Variants in BSN observed in about 807,000 individuals in gnomAD.
The protein encoded by BSN is protein bassoon.
BSN carries 57 observed loss-of-function variants against 264.8 expected under a neutral mutation model. That is an observed-to-expected ratio of 0.22 (90% confidence interval 0.17 to 0.27). BSN has a LOEUF of 0.27. BSN is among the 10% of genes least tolerant of loss of function. BSN has a pLI of 1.00. For synonymous variants in BSN, 2,059 were observed against 2,137.3 expected (o/e 0.96, Z 1.01); for missense variants, 4,615 against 5,232.5 (o/e 0.88, Z 3.64).
chr3:49,583,824 C>T (rs1470041502), intron 1 of BSN, among the ~76,000 whole-genome samples: 1 of 151,928 alleles, frequency 6.6e-6, no homozygotes, highest in Non-Finnish European at 1.5e-5. Context: ...TCTAAATTAC[C>T]TAAGGATGTG....
intron 1 of BSN, among the ~76,000 whole-genome samples, chr3:49,599,321 C>T (rs1369005982): frequency 6.6e-6 from 1 of 152,158 alleles, no homozygotes; most frequent in Non-Finnish European, 1.5e-5. Context: ...TTGACAGTGA[C>T]CCCAAGAGGT....
rs892247392 is a variant in BSN, at chr3:49,662,323, T to TACGACCCCCCATGCGGAGCCAGGC, written c.10479_10502dup (p.Arg3494_Ala3501dup). On this transcript the variant is annotated inframe_insertion, in exon 6 of 12. Coordinates refer to ENST00000296452, the MANE Select transcript of BSN (RefSeq NM_003458.4). ...TCCCTAAGTATGGCCCACAGCCGGG[T>TACGACCCCCCATGCGGAGCCAGGC]ACGACCCCCCATGCGGAGCCAGGCC... The TACGACCCCCCATGCGGAGCCAGGC allele has an allele frequency of 3.1e-6, 5 of 1,613,340 alleles. No homozygotes were observed. The African/African-American group carries it at 6.7e-5, about 22-fold the overall frequency.
In BSN at chr3:49,653,160, C is replaced by G; in HGVS notation, c.3604C>G (p.Gln1202Glu). ...CAAAGCTGAGCTGCTCCAGAGGCAG[C>G]AAGGCCAGGCAGCAGGGGCCCGGGG... Reference protein sequence around the residue: ...MRKAELLQRQQGQAAGARGPH... With the variant: ...MRKAELLQRQEGQAAGARGPH... Residue 1202 changes from glutamine to glutamate, a missense_variant, in exon 5 of 12, where the codon CAA becomes GAA. Around this residue, in one of 3 missense-constraint regions of BSN, gnomAD observed 3,415 missense variants for 3,866.4 expected, o/e 0.88. Coordinates refer to ENST00000296452, the MANE Select transcript of BSN (RefSeq NM_003458.4). The surrounding 1 kb of genome is among the most constrained non-coding windows in gnomAD (Gnocchi z 6.3). 6.2e-7 allele frequency: 1 copy of G among 1,612,428 alleles called. No individual in the cohort carries two copies. The highest frequency in any genetic ancestry group is 8.5e-7 in the Non-Finnish European group (1 of 1,179,742).
At chr3:49,592,524 C>T (rs975420092) in intron 1 of BSN, among the ~76,000 whole-genome samples, 10 of 150,344 alleles carry the variant, frequency 6.7e-5, no homozygotes, top group African/African-American at 1.9e-4. Flanking sequence ...GAGGCTGAGG[C>T]GGGCGGATCA....
Position 49,657,690 on chromosome 3 carries a change from C to A in BSN, c.8134C>A (p.Arg2712Ser). 6.4e-7 allele frequency: 1 copy of A among 1,559,174 alleles called. No individual in the cohort carries two copies. The highest frequency in any genetic ancestry group is 8.7e-7 in the Non-Finnish European group (1 of 1,149,070). The change falls in exon 5 of 12, where the codon CGT becomes AGT. Residue 2712 changes from arginine (R) to serine (S), a missense_variant. By Grantham distance (110) the Arg-to-Ser change is moderately radical. Coordinates refer to ENST00000296452, the MANE Select transcript of BSN (RefSeq NM_003458.4). ...CATATCGGCGCCAGAGAAGACTGGGCGTGGGGAGAGCCTGGCCTGCCAGAC... is the reference window on the plus strand; with the variant it reads ...CATATCGGCGCCAGAGAAGACTGGGAGTGGGGAGAGCCTGGCCTGCCAGAC... ...RYISAPEKTG[R>S]GESLACQTEP...
At chr3:49,628,820 G>T (rs2052362936) in intron 2 of BSN, among the ~76,000 whole-genome samples, 1 of 152,118 alleles carries the variant, frequency 6.6e-6, no homozygotes, top group Non-Finnish European at 1.5e-5. Context: ...CCAGGGATTT[G>T]CAGCCTCATT....
chr3:49,649,353 G>A (rs2052522003), intron 3 of BSN, among the ~76,000 whole-genome samples: 1 of 152,232 alleles, frequency 6.6e-6, no homozygotes, highest in Non-Finnish European at 1.5e-5. Flanking sequence ...CACCTGGGAT[G>A]AGTGAGTTCC....
At chr3:49,596,728 A>G (rs1275283037) in intron 1 of BSN, among the ~76,000 whole-genome samples, 1 of 152,142 alleles carries the variant, frequency 6.6e-6, no homozygotes, top group Non-Finnish European at 1.5e-5. Flanking sequence ...AGACGTGATC[A>G]TAGCACACTA....
At chr3:49,586,156 T>C (rs1159994724) in intron 1 of BSN, among the ~76,000 whole-genome samples, 1 of 152,190 alleles carries the variant, frequency 6.6e-6, no homozygotes, top group Non-Finnish European at 1.5e-5. Flanking sequence ...TTGTTGGGTA[T>C]TGGTCAAGAA....
At chr3:49,591,674 A>C (rs950423990) in intron 1 of BSN, among the ~76,000 whole-genome samples, 1 of 151,284 alleles carries the variant, frequency 6.6e-6, no homozygotes, top group Admixed American at 6.6e-5. Context: ...CTCAGCCTCG[A>C]CCTCCCAGGC....
intron 1 of BSN, among the ~76,000 whole-genome samples, chr3:49,579,988 G>C (rs2051883008): frequency 6.6e-6 from 1 of 152,106 alleles, no homozygotes; most frequent in Admixed American, 6.5e-5. Flanking sequence ...TATGTCACCG[G>C]ATTTGTTTTG....
In BSN at chr3:49,662,336, G is replaced by A. The variant is rs775323877; in HGVS notation, c.10491G>A (p.Met3497Ile). 3 of 1,613,598 alleles carry A rather than the reference G, an allele frequency of 1.9e-6. No individual in the cohort carries two copies. The highest frequency in any genetic ancestry group is 2.2e-5 in the South Asian group (2 of 91,086). Residue 3497 changes from methionine (M) to isoleucine (I), a missense_variant, in exon 6 of 12, where the codon ATG becomes ATA. Transcript: ENST00000296452. Reference sequence around the variant, plus strand: ...CCCACAGCCGGGTACGACCCCCCATGCGGAGCCAGGCCTCTGAAGAGGAGA... The same window carrying A: ...CCCACAGCCGGGTACGACCCCCCATACGGAGCCAGGCCTCTGAAGAGGAGA... ...SMAHSRVRPP[M>I]RSQASEEESP...
chr3:49,605,863 T>C (rs1275361863), intron 1 of BSN, among the ~76,000 whole-genome samples: 4 of 86,910 alleles, frequency 4.6e-5, no homozygotes, highest in Non-Finnish European at 7.9e-5. Context: ...ATAATATATT[T>C]ATATCTATTT....
chr3:49,656,929 T>TGCA lies in BSN; in HGVS notation c.7382_7384dup (p.Gln2461dup). 2 of 1,598,326 alleles carry TGCA rather than the reference T, an allele frequency of 1.3e-6. No individual in the cohort carries two copies. The highest frequency in any genetic ancestry group is 1.7e-6 in the Non-Finnish European group (2 of 1,171,294). ...CTGCAGCTGGAGCAGATCCAGCAGC[T>TGCA]GCAGCAGCAGCTGCAGCAGCAGCTA... On this transcript the variant is annotated inframe_insertion, in exon 5 of 12. Transcript: ENST00000296452.
rs898438138 is a variant in BSN, at chr3:49,668,192, C to G, written c.*707C>G. On this transcript the variant is annotated 3_prime_UTR_variant, in exon 12 of 12. Coordinates refer to ENST00000296452, the MANE Select transcript of BSN (RefSeq NM_003458.4). ...TAGCACCGAAAAGCAGCGTGGGCGC[C>G]GGCTGAGGCTTCTCCCAGCCCGTGG... 1 of 152,698 alleles carries G rather than the reference C, an allele frequency of 6.5e-6. No individual in the cohort carries two copies. Among genetic ancestry groups the G allele is most frequent in the South Asian group, 2.1e-4 (1 of 4,826 alleles). 9.5% of individuals were successfully genotyped at this position (152,698 alleles called of 1,614,324 possible).
Position 49,662,116 on chromosome 3 carries a change from G to A in BSN, c.10271G>A (p.Gly3424Glu), listed in dbSNP as rs750024332. The A allele has an allele frequency of 1.9e-6, 3 of 1,613,500 alleles. No homozygotes were observed. Among genetic ancestry groups the A allele is most frequent in the East Asian group, 2.2e-5 (1 of 44,886 alleles). ...KNVYEQQKYY[G>E]MSSRDAVEDD... ...GTGTATGAGCAGCAAAAATACTATG[G>A]GATGTCCAGCCGGGACGCAGTGGAG... is the stretch of plus-strand genomic sequence containing the variant. The change falls in exon 6 of 12, where the codon GGG becomes GAG. Residue 3424 changes from glycine to glutamate, a missense_variant. Transcript: ENST00000296452.
At chr3:49,594,552 C>A (rs895904521) in intron 1 of BSN, among the ~76,000 whole-genome samples, 7 of 152,198 alleles carry the variant, frequency 4.6e-5, no homozygotes, top group African/African-American at 1.7e-4. Flanking sequence ...ATCCTTCCAC[C>A]AGTAGTATAC....
At chr3:49,606,620 G>A (rs998889046) in intron 1 of BSN, among the ~76,000 whole-genome samples, 4 of 151,894 alleles carry the variant, frequency 2.6e-5, no homozygotes, top group Admixed American at 1.3e-4. Flanking sequence ...GACCTGACAT[G>A]CAGTAAAGCC....
chr3:49,661,850 T>G lies in BSN; in HGVS notation c.10005T>G (p.Gly3335=), dbSNP rs2052659630. Residue 3335 remains glycine, a synonymous_variant, in exon 6 of 12, where the codon GGT becomes GGG. Coordinates refer to ENST00000296452, the MANE Select transcript of BSN (RefSeq NM_003458.4). ...YRHGARVEKY[G]PGPMGPKHPS... Reference sequence around the variant, plus strand: ...ATGGGGCTCGAGTAGAGAAGTATGGTCCAGGGCCCATGGGGCCCAAGCATC... The same window carrying G: ...ATGGGGCTCGAGTAGAGAAGTATGGGCCAGGGCCCATGGGGCCCAAGCATC... 6.2e-7 allele frequency: 1 copy of G among 1,613,508 alleles called. No individual in the cohort carries two copies.
Sources: gnomAD v4.1 joint callset for allele counts (sites outside exome capture counted in the v4.1 genomes callset) on GRCh38, gnomAD v4.1.1 for gene constraint, gnomAD v4.1.1 regional missense constraint, Gnocchi (gnomAD v3.1) non-coding constraint, MANE v1.5 for transcripts, NCBI Gene and HGNC (gene_info 2026-07-23, HGNC 2026-07-21) for gene names.